Variants in SPTLC3 observed in about 807,000 individuals in gnomAD.
SPTLC3 encodes serine palmitoyltransferase 3.
In SPTLC3, 36 loss-of-function variants were observed where a neutral mutation model predicts 59.3. The observed-to-expected ratio is 0.61, with a 90% confidence interval of 0.47 to 0.80. The LOEUF is 0.80. Among genes scored for constraint, SPTLC3 ranks in the 30% least tolerant of loss-of-function variants. The pLI, the probability that SPTLC3 is intolerant of heterozygous loss-of-function variation, is 0.00. For missense variants in SPTLC3, 625 were observed against 685.1 expected (o/e 0.91, Z 0.98); for synonymous variants, 257 against 240.8 (o/e 1.07, Z -0.62).
intron 4 of SPTLC3, among the ~76,000 whole-genome samples, chr20:13,085,571 G>T (rs1387246357): frequency 6.6e-6 from 1 of 152,104 alleles, no homozygotes; most frequent in Non-Finnish European, 1.5e-5. Context: ...AAGTGGCTAC[G>T]GTTACAATTT....
At chr20:13,151,822 C>T (rs1180590367) in intron 9 of SPTLC3, among the ~76,000 whole-genome samples, 1 of 152,136 alleles carries the variant, frequency 6.6e-6, no homozygotes, top group African/African-American at 2.4e-5. Flanking sequence ...ACACCTGGTT[C>T]ACCTTCACTC....
At chr20:13,072,468 G>C in intron 3 of SPTLC3, 58 bp downstream of exon 3, 2 of 1,463,420 alleles carry the variant, frequency 1.4e-6, no homozygotes, top group Non-Finnish European at 1.8e-6. Flanking sequence ...GGAAATCCTA[G>C]CATGGCCACT....
chr20:13,074,393 A>G lies in SPTLC3; in HGVS notation c.503A>G (p.Tyr168Cys). The change falls in exon 4 of 12, where the codon TAT becomes TGT. Residue 168 changes from tyrosine (Y) to cysteine (C), a missense_variant. Coordinates refer to ENST00000399002, the MANE Select transcript of SPTLC3 (RefSeq NM_018327.4). Reference protein sequence around the residue: ...VIKDVINMGSYNFLGLAAKYD... With the variant: ...VIKDVINMGSCNFLGLAAKYD... Reference sequence around the variant, plus strand: ...AAAGATGTCATCAACATGGGCTCCTATAACTTCCTTGGTCTTGCAGCCAAG... The same window carrying G: ...AAAGATGTCATCAACATGGGCTCCTGTAACTTCCTTGGTCTTGCAGCCAAG... 1 of 1,614,122 alleles carries G rather than the reference A, an allele frequency of 6.2e-7. No individual in the cohort carries two copies. Among genetic ancestry groups the G allele is most frequent in the East Asian group, 2.2e-5 (1 of 44,846 alleles).
At chr20:13,122,216 G>A (rs1163287860) in intron 8 of SPTLC3, among the ~76,000 whole-genome samples, 1 of 152,184 alleles carries the variant, frequency 6.6e-6, no homozygotes, top group African/African-American at 2.4e-5. Flanking sequence ...GAAGTGTAAA[G>A]CTCCATCCCT....
intron 8 of SPTLC3, among the ~76,000 whole-genome samples, chr20:13,126,347 T>A (rs2037989845): frequency 6.6e-6 from 1 of 152,242 alleles, no homozygotes; most frequent in Admixed American, 6.5e-5. Flanking sequence ...TGCCTTAAAG[T>A]TCAACTCCAA....
chr20:13,127,242 C>T (rs2038015916), intron 9 of SPTLC3, among the ~76,000 whole-genome samples: 1 of 152,216 alleles, frequency 6.6e-6, no homozygotes, highest in Admixed American at 6.5e-5. Flanking sequence ...CTTTGCTCAA[C>T]CCAAATTAAT....
chr20:13,047,413 T>C (rs1262333315), intron 1 of SPTLC3, among the ~76,000 whole-genome samples: 12 of 152,158 alleles, frequency 7.9e-5, no homozygotes, highest in African/African-American at 2.9e-4. Context: ...ATGTATAAGC[T>C]AAATTAGTAC....
intron 1 of SPTLC3, among the ~76,000 whole-genome samples, chr20:13,021,218 C>T (rs187821769): frequency 6.6e-6 from 1 of 152,256 alleles, no homozygotes; most frequent in African/African-American, 2.4e-5. Context: ...TATGCATTTT[C>T]TATTCTTGGT....
chr20:13,013,992 C>T (rs2122359634), intron 1 of SPTLC3, among the ~76,000 whole-genome samples: 1 of 152,312 alleles, frequency 6.6e-6, no homozygotes, highest in Middle Eastern at 3.4e-3. Context: ...GTCTACTTCA[C>T]CAGGACACCC....
chr20:13,048,354 C>T (rs1987322695), intron 1 of SPTLC3, among the ~76,000 whole-genome samples: 1 of 152,186 alleles, frequency 6.6e-6, no homozygotes, highest in Non-Finnish European at 1.5e-5. Flanking sequence ...TTCCACACTT[C>T]TTTTCTTTTA....
chr20:13,082,718 T>C (rs1249578774), intron 4 of SPTLC3, among the ~76,000 whole-genome samples: 1 of 152,116 alleles, frequency 6.6e-6, no homozygotes, highest in Non-Finnish European at 1.5e-5. Flanking sequence ...AGAAAATAAA[T>C]CCTCCAGATT....
chr20:13,028,531 G>A (rs1986271956), intron 1 of SPTLC3, among the ~76,000 whole-genome samples: 1 of 152,118 alleles, frequency 6.6e-6, no homozygotes, highest in South Asian at 2.1e-4. Context: ...CTAGGAAGAT[G>A]TCCATATATG....
At chr20:13,157,756 G>C (rs550601819) in intron 10 of SPTLC3, among the ~76,000 whole-genome samples, 1 of 152,178 alleles carries the variant, frequency 6.6e-6, no homozygotes, top group Non-Finnish European at 1.5e-5. Flanking sequence ...GCTGGCAAGA[G>C]TTTGCCCTGC....
At chr20:13,009,447 A>G (rs1243979442) in intron 1 of SPTLC3, 63 bp downstream of exon 1, 53 of 1,424,128 alleles carry the variant, frequency 3.7e-5, no homozygotes, top group Non-Finnish European at 4.6e-5. Flanking sequence ...TTCTCTGTGA[A>G]GATATTTGAG....
At chr20:13,112,641 AT>A (rs1990299035) in intron 7 of SPTLC3, among the ~76,000 whole-genome samples, 1 of 152,184 alleles carries the variant, frequency 6.6e-6, no homozygotes, top group African/African-American at 2.4e-5. Context: ...CTTTCCAAGA[AT>A]TTTCCTTCAC....
chr20:13,081,036 T>C (rs1193188770), intron 4 of SPTLC3, among the ~76,000 whole-genome samples: 1 of 152,164 alleles, frequency 6.6e-6, no homozygotes, highest in Non-Finnish European at 1.5e-5. Flanking sequence ...CAAATCCTAG[T>C]TCCTCCTGTC....
chr20:13,131,002 G>A (rs145483871), intron 9 of SPTLC3, among the ~76,000 whole-genome samples: 85 of 152,300 alleles, frequency 5.6e-4, no homozygotes, highest in African/African-American at 1.9e-3. Context: ...TTGTGGCAGC[G>A]GAAGGGATCA....
At chr20:13,066,025 A>T (rs1179657503) in intron 2 of SPTLC3, among the ~76,000 whole-genome samples, 1 of 152,250 alleles carries the variant, frequency 6.6e-6, no homozygotes, top group East Asian at 1.9e-4. Flanking sequence ...TATGCGTACA[A>T]CATAATTGAA....
At chr20:13,028,612 G>T (rs1986275870) in intron 1 of SPTLC3, among the ~76,000 whole-genome samples, 1 of 152,010 alleles carries the variant, frequency 6.6e-6, no homozygotes, top group South Asian at 2.1e-4. Context: ...CCATACATCA[G>T]TGAAAATTTT....
Sources: allele counts gnomAD v4.1 joint callset (sites outside exome capture counted in the v4.1 genomes callset), GRCh38; gene constraint gnomAD v4.1.1; transcripts MANE v1.5; gene names NCBI Gene and HGNC (gene_info 2026-07-23, HGNC 2026-07-21).